Variants in MTMR3 observed in about 807,000 individuals in gnomAD.
MTMR3 encodes the protein myotubularin related protein 3.
In MTMR3, 32 loss-of-function variants were observed where a neutral mutation model predicts 132.4. That is an observed-to-expected ratio of 0.24 (90% CI 0.18 to 0.32). The LOEUF (loss-of-function observed/expected upper bound fraction) is 0.32, where lower values mean the gene tolerates loss of function less well. Ranked by LOEUF, MTMR3 falls within the 10% of genes least tolerant of loss-of-function variation. MTMR3 has a pLI of 1.00. For missense variants in MTMR3, 1,216 were observed against 1,489.6 expected, an observed-to-expected ratio of 0.82 and a Z score of 3.02; for synonymous variants, 556 against 550.3, an observed-to-expected ratio of 1.01 and a Z score of -0.14.
intron 1 of MTMR3, among the ~76,000 whole-genome samples, chr22:29,952,661 C>G (rs754134938): frequency 6.7e-6 from 1 of 150,188 alleles, no homozygotes; most frequent in South Asian, 2.2e-4. Flanking sequence ...CAGAAAAACA[C>G]GATGAATGAA....
intron 1 of MTMR3, among the ~76,000 whole-genome samples, chr22:29,897,152 A>G (rs1320958303): frequency 6.7e-6 from 1 of 149,978 alleles, no homozygotes; most frequent in Admixed American, 6.7e-5. Context: ...GAATTGGCTC[A>G]CTGTAACCTC....
At chr22:30,003,074 C>T (rs2067207461) in intron 9 of MTMR3, 81 bp downstream of exon 9, 3 of 1,135,370 alleles carry the variant, frequency 2.6e-6, no homozygotes, top group Non-Finnish European at 4.0e-6. Flanking sequence ...CTGCTGCTAA[C>T]CTGGGAAGGG....
chr22:29,976,683 A>G (rs748667341), intron 3 of MTMR3, among the ~76,000 whole-genome samples: 1 of 152,224 alleles, frequency 6.6e-6, no homozygotes, highest in Admixed American at 6.5e-5. Flanking sequence ...ATGTCAATAC[A>G]GTGAAGAAAG....
intron 16 of MTMR3, chr22:30,018,905 T>C (rs2067670555): frequency 1.3e-5 from 2 of 151,502 alleles, no homozygotes; most frequent in South Asian, 4.2e-4. Context: ...GAACGTCTTT[T>C]GGAAATAGCA....
intron 2 of MTMR3, among the ~76,000 whole-genome samples, chr22:29,966,726 CGTGTGTGTGTGTGTGTGTGTGTGTGT>C (rs55960706): frequency 2.1e-5 from 3 of 142,856 alleles, no homozygotes; most frequent in Admixed American, 7.0e-5. Context: ...TAGGGGTGTG[CGTGTGTGTGTGTGTGTGTGTGTGTGT>C]GTGTGTGTGT....
intron 5 of MTMR3, chr22:29,986,554 A>T (rs2066861942): frequency 1.0e-6 from 1 of 983,410 alleles, no homozygotes; most frequent in Non-Finnish European, 1.2e-6. Flanking sequence ...TCTTAGTTGC[A>T]TCAGTTGCAG....
intron 18 of MTMR3, 57 bp downstream of exon 18, chr22:30,022,196 TCCACCCCCATTC>T: frequency 7.2e-7 from 1 of 1,386,944 alleles, no homozygotes; most frequent in East Asian, 2.3e-5. Context: ...GTGGTTCTTC[TCCACCCCCATTC>T]CCACCCCATA....
chr22:30,020,244 G>T lies in MTMR3; in HGVS notation c.2585G>T (p.Gly862Val). 6.2e-7 allele frequency: 1 copy of T among 1,614,192 alleles called. No homozygotes were observed. Among genetic ancestry groups the T allele is most frequent in the South Asian group, 1.1e-5 (1 of 91,080 alleles). ...DKVKSVSGPQ[G>V]HHRSCLVNSG... ...GTGAAGTCAGTAAGTGGGCCCCAAG[G>T]TCATCATAGATCTTGCCTTGTAAAT... Residue 862 changes from glycine (G) to valine (V), a missense_variant, in exon 17 of 20, where the codon GGT becomes GTT. Transcript: ENST00000401950.
intron 1 of MTMR3, among the ~76,000 whole-genome samples, chr22:29,942,644 G>A (rs1193920763): frequency 2.0e-5 from 3 of 152,218 alleles, no homozygotes; most frequent in Non-Finnish European, 4.4e-5. Flanking sequence ...TCCCCTCAGG[G>A]ACGCATTCTC....
intron 1 of MTMR3, among the ~76,000 whole-genome samples, chr22:29,939,787 G>A (rs2065819899): frequency 6.6e-6 from 1 of 152,110 alleles, no homozygotes; most frequent in African/African-American, 2.4e-5. Context: ...GGACTGTCAG[G>A]CCACTCTGCC....
chr22:29,906,252 CTGTCTGTCTGTCTGTCT>C (rs1568998228), intron 1 of MTMR3, among the ~76,000 whole-genome samples: 26 of 112,908 alleles, frequency 2.3e-4, no homozygotes, highest in South Asian at 6.4e-4. Flanking sequence ...ATCCGTCTGT[CTGTCTGTCTGTCTGTCT>C]GTCTGTCTGT....
chr22:29,959,780 A>G (rs925399453), intron 2 of MTMR3, among the ~76,000 whole-genome samples: 3 of 122,650 alleles, frequency 2.4e-5, no homozygotes, highest in African/African-American at 9.1e-5. Context: ...TTTTTTTTTG[A>G]CACAAGGTCT....
intron 1 of MTMR3, among the ~76,000 whole-genome samples, chr22:29,889,961 C>T (rs1455660177): frequency 2.2e-5 from 3 of 138,054 alleles, no homozygotes; most frequent in South Asian, 2.3e-4. Flanking sequence ...GGCTGGAGTG[C>T]GGTGGTGCGA....
chr22:29,887,375 G>A (rs1480620430), intron 1 of MTMR3, among the ~76,000 whole-genome samples: 4 of 152,178 alleles, frequency 2.6e-5, no homozygotes, highest in Non-Finnish European at 2.9e-5. Flanking sequence ...TATATGAAAA[G>A]CATTCTAAAA....
rs2145998816 is a variant in MTMR3 at position 30,030,007 on chromosome 22, G to A, written c.*4206G>A. The A allele has an allele frequency of 6.6e-6, 1 of 152,426 alleles. No homozygotes were observed. Among genetic ancestry groups the A allele is most frequent in the South Asian group, 2.1e-4 (1 of 4,818 alleles). 9.4% of individuals were successfully genotyped at this position (152,426 alleles called of 1,614,324 possible). A position where few individuals can be genotyped will look rare whatever the true frequency, so the allele number is the denominator to read the frequency against. ...GTCCCCAGCACACAACTGCACTGAA[G>A]CCTTGTTCCTCTCGGCTGGTGTAGA... On this transcript the variant is annotated 3_prime_UTR_variant, in exon 20 of 20. Transcript: ENST00000401950.
At position 29,988,462 on chromosome 22, in the gene MTMR3, A is replaced by G; in HGVS notation, c.211-18A>G. ...ATGCCTTTTTGACTAAGAGGACTTC[A>G]TTTTTTTAAAATTGCAGGTTCCATT... is the stretch of plus-strand genomic sequence containing the variant. On this transcript the variant is annotated intron_variant, in intron 5 of 19. Coordinates refer to ENST00000401950, the MANE Select transcript of MTMR3 (RefSeq NM_021090.4). 1 of 1,597,326 alleles carries G rather than the reference A, an allele frequency of 6.3e-7. No homozygotes were observed. The highest frequency in any genetic ancestry group is 8.6e-7 in the Non-Finnish European group (1 of 1,167,274).
intron 1 of MTMR3, among the ~76,000 whole-genome samples, chr22:29,944,287 C>T (rs1462269778): frequency 6.6e-6 from 1 of 151,412 alleles, no homozygotes; most frequent in Non-Finnish European, 1.5e-5. Flanking sequence ...ACTTTTGCAC[C>T]AATCTAATAC....
intron 3 of MTMR3, among the ~76,000 whole-genome samples, chr22:29,972,772 T>C (rs756880252): frequency 6.6e-6 from 1 of 152,244 alleles, no homozygotes; most frequent in Non-Finnish European, 1.5e-5. Context: ...GGTTTCGCCA[T>C]GTTGGCCAGG....
Position 30,020,754 on chromosome 22 carries a change from G to A in MTMR3, c.3095G>A (p.Arg1032His), listed in dbSNP as rs1349105330. 8 of 1,614,176 alleles carry A rather than the reference G, an allele frequency of 5.0e-6. No individual in the cohort carries two copies. Among genetic ancestry groups the A allele is most frequent in the Admixed American group, 1.7e-5 (1 of 60,024 alleles). ...VYTDTIQQRL[R>H]QIESGHQQEV... ...ACAGACACGATCCAACAGCGCCTGC[G>A]TCAGATTGAGTCAGGCCACCAGCAG... Residue 1032 changes from arginine to histidine, a missense_variant, in exon 17 of 20, where the codon CGT (arginine) becomes CAT (histidine). By Grantham distance (29) the Arg-to-His change is conservative. Transcript: ENST00000401950.
Sources: allele counts gnomAD v4.1 joint callset (sites outside exome capture counted in the v4.1 genomes callset), GRCh38; gene constraint gnomAD v4.1.1; transcripts MANE v1.5; gene names NCBI Gene and HGNC (gene_info 2026-07-23, HGNC 2026-07-21).